NRG1: variants seen among roughly 807,000 people sequenced by gnomAD.
NRG1 encodes the protein pro-neuregulin-1, membrane-bound isoform.
Under a neutral mutation model 63.8 loss-of-function variants are expected in NRG1, and 18 were observed. The ratio of observed to expected loss-of-function variants is 0.28; its 90% confidence interval spans 0.19 to 0.42. The LOEUF (loss-of-function observed/expected upper bound fraction) is 0.42. Ranked by LOEUF, NRG1 falls within the 10% of genes least tolerant of loss-of-function variation. The pLI is 1.00. For synonymous variants in NRG1, 302 were observed against 301.3 expected, an observed-to-expected ratio of 1.00 and a Z score of -0.02; for missense variants, 762 against 814.7, an observed-to-expected ratio of 0.94 and a Z score of 0.79.
intron 1 of NRG1, among the ~76,000 whole-genome samples, chr8:32,454,336 T>C (rs1434741242): frequency 6.6e-6 from 1 of 152,210 alleles, no homozygotes; most frequent in East Asian, 1.9e-4. Flanking sequence ...TAGAAACTTT[T>C]CTAAAAACAG....
intron 1 of NRG1, among the ~76,000 whole-genome samples, chr8:32,555,773 G>T (rs1179210924): frequency 6.6e-6 from 1 of 152,152 alleles, no homozygotes; most frequent in African/African-American, 2.4e-5. Flanking sequence ...GCCCGGCGGG[G>T]CTGATATTTT....
At chr8:32,127,371 C>G (rs1834220376) in intron 1 of NRG1, among the ~76,000 whole-genome samples, 1 of 151,808 alleles carries the variant, frequency 6.6e-6, no homozygotes, top group Non-Finnish European at 1.5e-5. Flanking sequence ...TGCAAAAGAC[C>G]TTCCAAGAGA....
rs779091230 is a variant in NRG1 at position 31,640,737 on chromosome 8, C to T, written c.37+1306C>T. 22 of 1,553,836 alleles carry T rather than the reference C, an allele frequency of 1.4e-5. No individual in the cohort carries two copies. The Middle Eastern group carries it at 7.9e-4, about 56-fold the overall frequency. On this transcript the variant is annotated intron_variant, in intron 1 of 10. Coordinates refer to the NRG1 transcript ENST00000519301. This position sits in a 1 kb window ranked among gnomAD's most constrained non-coding sequence, Gnocchi z 6.3. ...TGCTGTGCAAGCGGTGCGGTAAGTT[C>T]CTCGCCCTTGGGGGCGCGAACCCGC... is the stretch of plus-strand genomic sequence containing the variant.
intron 1 of NRG1, among the ~76,000 whole-genome samples, chr8:32,145,039 G>A (rs1235366160): frequency 6.6e-6 from 1 of 152,172 alleles, no homozygotes; most frequent in Non-Finnish European, 1.5e-5. Context: ...ATATTTGACT[G>A]AGGTTTCACA....
At chr8:31,727,819 C>T (rs146972294) in intron 1 of NRG1, among the ~76,000 whole-genome samples, 31 of 152,180 alleles carry the variant, frequency 2.0e-4, no homozygotes, top group Non-Finnish European at 3.7e-4. Context: ...AGATTAACAG[C>T]AATAACAAAT....
chr8:32,653,040 G>A (rs1459529659), intron 5 of NRG1, among the ~76,000 whole-genome samples: 3 of 151,938 alleles, frequency 2.0e-5, no homozygotes, highest in African/African-American at 4.8e-5. Flanking sequence ...ACTACATTCC[G>A]TCTACTTTTA....
intron 11 of NRG1, among the ~76,000 whole-genome samples, chr8:32,762,232 T>C (rs1430368048): frequency 1.3e-5 from 2 of 152,130 alleles, no homozygotes; most frequent in Non-Finnish European, 2.9e-5. Flanking sequence ...CATATTTTTT[T>C]AATGTATTAA....
At chr8:31,657,587 G>A (rs984542881) in intron 1 of NRG1, among the ~76,000 whole-genome samples, 3 of 152,178 alleles carry the variant, frequency 2.0e-5, no homozygotes, top group Non-Finnish European at 2.9e-5. Context: ...GTGCACTTAA[G>A]TCTGGGAGCT....
intron 1 of NRG1, among the ~76,000 whole-genome samples, chr8:32,505,251 A>T (rs1341067399): frequency 6.6e-6 from 1 of 152,140 alleles, no homozygotes; most frequent in Admixed American, 6.5e-5. Flanking sequence ...TTCTTGTCTA[A>T]ATCTAATTTA....
chr8:31,735,309 A>G (rs1814550849), intron 1 of NRG1, among the ~76,000 whole-genome samples: 1 of 152,168 alleles, frequency 6.6e-6, no homozygotes, highest in South Asian at 2.1e-4. Context: ...AGATTTATTT[A>G]AGGGCCATAT....
intron 1 of NRG1, among the ~76,000 whole-genome samples, chr8:32,196,597 GAGA>G (rs1441983275): frequency 6.6e-6 from 1 of 152,052 alleles, no homozygotes; most frequent in South Asian, 2.1e-4. Context: ...CCTGGGAACA[GAGA>G]AGGAGGCAGT....
At chr8:31,707,934 G>A (rs1207658095) in intron 1 of NRG1, among the ~76,000 whole-genome samples, 2 of 151,978 alleles carry the variant, frequency 1.3e-5, no homozygotes, top group Non-Finnish European at 2.9e-5. Flanking sequence ...GCTTTGGATT[G>A]TACCTAGAGA....
chr8:32,174,501 A>G (rs1466039305), intron 1 of NRG1, among the ~76,000 whole-genome samples: 7 of 152,268 alleles, frequency 4.6e-5, no homozygotes, highest in African/African-American at 1.2e-4. Context: ...AACTGAAGGA[A>G]ATAGAGACAC....
intron 1 of NRG1, among the ~76,000 whole-genome samples, chr8:32,562,438 G>GGGGTCTT (rs1836616092): frequency 6.6e-6 from 1 of 151,878 alleles, no homozygotes; most frequent in South Asian, 2.1e-4. Flanking sequence ...TTGTAGAGAT[G>GGGGTCTT]GGGTCTTGCT....
intron 1 of NRG1, among the ~76,000 whole-genome samples, chr8:31,748,376 A>G (rs1323373421): frequency 6.6e-6 from 1 of 151,932 alleles, no homozygotes; most frequent in Non-Finnish European, 1.5e-5. Context: ...ATTGAGGGCA[A>G]AGAAGTTAAG....
intron 1 of NRG1, among the ~76,000 whole-genome samples, chr8:32,351,271 A>C (rs1805568507): frequency 6.6e-6 from 1 of 152,200 alleles, no homozygotes; most frequent in Non-Finnish European, 1.5e-5. Flanking sequence ...TTCCCCAGAA[A>C]GTCTTAGCCA....
chr8:31,776,456 G>GT (rs761076892), intron 1 of NRG1, among the ~76,000 whole-genome samples: 23 of 152,312 alleles, frequency 1.5e-4, no homozygotes, highest in Non-Finnish European at 2.6e-4. Flanking sequence ...ATTAGAATAT[G>GT]TGAGGTAATG....
At chr8:32,081,914 A>G (rs1183015775) in intron 1 of NRG1, among the ~76,000 whole-genome samples, 4 of 152,170 alleles carry the variant, frequency 2.6e-5, no homozygotes, top group Non-Finnish European at 5.9e-5. Context: ...TGAGGATTGT[A>G]GATACCCTAC....
At chr8:32,401,144 G>A (rs1240403307) in intron 1 of NRG1, among the ~76,000 whole-genome samples, 1 of 152,022 alleles carries the variant, frequency 6.6e-6, no homozygotes, top group Non-Finnish European at 1.5e-5. Flanking sequence ...CCTACTTGAG[G>A]GTGGAGGGTG....
Sources: gnomAD v4.1 joint callset for allele counts (sites outside exome capture counted in the v4.1 genomes callset) on GRCh38, gnomAD v4.1.1 for gene constraint, Gnocchi (gnomAD v3.1) non-coding constraint, MANE v1.5 for transcripts, NCBI Gene and HGNC (gene_info 2026-07-23, HGNC 2026-07-21) for gene names.